Variants in GAB3 observed in about 807,000 individuals in gnomAD.
The protein encoded by GAB3 is GRB2 associated binding protein 3.
Under a neutral mutation model 40.4 loss-of-function variants are expected in GAB3, and 12 were observed. That is an observed-to-expected ratio of 0.30 (90% confidence interval 0.19 to 0.48). The LOEUF (loss-of-function observed/expected upper bound fraction) is 0.48, where lower values mean the gene tolerates loss of function less well. Among genes scored for constraint, GAB3 ranks in the 20% least tolerant of loss-of-function variants. GAB3 has a pLI of 0.99. For synonymous variants in GAB3, 154 were observed against 176.7 expected, an observed-to-expected ratio of 0.87 and a Z score of 1.02; for missense variants, 381 against 461.9, an observed-to-expected ratio of 0.82 and a Z score of 1.61.
At chrX:154,706,411 A>ATCTC (rs2070809294) in intron 4 of GAB3, among the ~76,000 whole-genome samples, 1 of 60,805 alleles carries the variant, frequency 1.6e-5, no homozygotes, top group African/African-American at 4.8e-5. Flanking sequence ...GCAAGACTCC[A>ATCTC]TCTCAAAAAA....
intron 4 of GAB3, among the ~76,000 whole-genome samples, chrX:154,701,415 A>C (rs900977262): frequency 1.8e-5 from 2 of 112,454 alleles, no homozygotes; most frequent in African/African-American, 6.5e-5. Context: ...GTGCCAGATA[A>C]TTTAAGAGAT....
chrX:154,705,623 A>C, intron 4 of GAB3, among the ~76,000 whole-genome samples: 1 of 112,069 alleles, frequency 8.9e-6, no homozygotes. Context: ...ACAAACCCAC[A>C]GACAACATCA....
In GAB3 at chrX:154,698,996, C is replaced by T. The variant is rs1192379272; in HGVS notation, c.1345+298G>A. The stretch of plus-strand genomic sequence containing the variant: ...CATTCTAATCCACCATCACTTATTC[C>T]TGGGCCTTTGTTAGGGAAACAGCCA... On this transcript the variant is annotated intron_variant, in intron 6 of 9. Coordinates refer to ENST00000424127, the MANE Select transcript of GAB3 (RefSeq NM_001081573.3). Among the ~76,000 whole-genome samples the T allele has an allele frequency of 5.4e-5, 6 of 111,569 alleles. No homozygotes were observed. In the East Asian group the frequency reaches 1.4e-3, roughly 26 times the overall value.
At chrX:154,705,803 C>G (rs1371484827) in intron 4 of GAB3, among the ~76,000 whole-genome samples, 1 of 111,923 alleles carries the variant, frequency 8.9e-6, no homozygotes, top group Non-Finnish European at 1.9e-5. Context: ...CAAATTCTCT[C>G]TATTTGCACA....
chrX:154,706,939 TAGAA>T (rs1185707467), intron 4 of GAB3, among the ~76,000 whole-genome samples: 2 of 101,195 alleles, frequency 2.0e-5, no homozygotes, highest in Admixed American at 1.1e-4. Context: ...AAAAAAAAAT[TAGAA>T]AGAACAAAGC....
intron 1 of GAB3, among the ~76,000 whole-genome samples, chrX:154,733,137 A>G (rs1163332790): frequency 8.9e-6 from 1 of 112,529 alleles, no homozygotes. Context: ...TCCTCCCAAG[A>G]ATACATGTGC....
At chrX:154,709,607 G>A (rs782217711) in intron 4 of GAB3, among the ~76,000 whole-genome samples, 46 of 109,225 alleles carry the variant, frequency 4.2e-4, no homozygotes, top group South Asian at 4.0e-3. Flanking sequence ...CTGAGCCACC[G>A]CACCCAGCCT....
intron 4 of GAB3, among the ~76,000 whole-genome samples, chrX:154,708,169 A>G (rs1376982925): frequency 2.7e-5 from 3 of 112,003 alleles, no homozygotes; most frequent in African/African-American, 9.7e-5. Flanking sequence ...CTGGATATCC[A>G]CACGCAAAAG....
At chrX:154,680,084 G>A in intron 9 of GAB3, 48 bp downstream of exon 9, 2 of 862,384 alleles carry the variant, frequency 2.3e-6, no homozygotes, top group Non-Finnish European at 3.4e-6. Context: ...AAAAGTCTAG[G>A]CAGAGATGGA....
intron 8 of GAB3, among the ~76,000 whole-genome samples, chrX:154,690,062 A>G (rs1471604380): frequency 9.1e-6 from 1 of 110,328 alleles, no homozygotes; most frequent in African/African-American, 3.3e-5. Flanking sequence ...CTGGTACCAA[A>G]ACAGAGATAT....
At chrX:154,712,147 T>A in intron 4 of GAB3, 82 bp downstream of exon 4, 1 of 724,180 alleles carries the variant, frequency 1.4e-6, no homozygotes, top group Non-Finnish European at 2.0e-6. Flanking sequence ...TTTTGGTCCA[T>A]TGGCATGACC....
chrX:154,681,864 T>C (rs2070378399), intron 8 of GAB3, among the ~76,000 whole-genome samples: 4 of 112,107 alleles, frequency 3.6e-5, no homozygotes, highest in South Asian at 7.4e-4. Flanking sequence ...TCAACATGGA[T>C]AACCTGGTTT....
intron 8 of GAB3, among the ~76,000 whole-genome samples, chrX:154,693,675 C>T (rs1306601320): frequency 9.0e-6 from 1 of 111,375 alleles, no homozygotes; most frequent in Non-Finnish European, 1.9e-5. Flanking sequence ...ACGCAAATCT[C>T]TATATATGTT....
chrX:154,743,067 A>G (rs2071469438), intron 1 of GAB3, among the ~76,000 whole-genome samples: 1 of 108,027 alleles, frequency 9.3e-6, no homozygotes, highest in Non-Finnish European at 1.9e-5. Flanking sequence ...AACCACTGAA[A>G]TCTGTGGAAT....
chrX:154,712,832 C>T, intron 3 of GAB3, 131 bp from the exon 4 acceptor site: 1 of 411,768 alleles, frequency 2.4e-6, no homozygotes, highest in Non-Finnish European at 4.1e-6. Context: ...CCCTCTACAA[C>T]ACTCAGTTAC....
chrX:154,701,867 A>G (rs782041290), intron 4 of GAB3, among the ~76,000 whole-genome samples: 2 of 112,051 alleles, frequency 1.8e-5, no homozygotes, highest in Middle Eastern at 4.6e-3. Flanking sequence ...TGAAGAGTAC[A>G]CCAAAAAATA....
chrX:154,739,227 G>T (rs1557260919), intron 1 of GAB3, among the ~76,000 whole-genome samples: 1 of 111,823 alleles, frequency 8.9e-6, no homozygotes, highest in Admixed American at 9.5e-5. Context: ...CTCATTAACA[G>T]AAGCTGCTTT....
chrX:154,687,435 T>G (rs2070472260), intron 8 of GAB3, among the ~76,000 whole-genome samples: 1 of 109,294 alleles, frequency 9.1e-6, no homozygotes, highest in South Asian at 4.0e-4. Context: ...ATCAAGACCA[T>G]CCTGGCTAAC....
intron 1 of GAB3, among the ~76,000 whole-genome samples, chrX:154,732,281 A>AT (rs1425067705): frequency 3.6e-5 from 4 of 111,198 alleles, no homozygotes; most frequent in Non-Finnish European, 5.7e-5. Context: ...AGGTCCTCCT[A>AT]TTTTTTTTCC....
Sources: allele counts gnomAD v4.1 joint callset (sites outside exome capture counted in the v4.1 genomes callset), GRCh38; gene constraint gnomAD v4.1.1; transcripts MANE v1.5; gene names NCBI Gene and HGNC (gene_info 2026-07-23, HGNC 2026-07-21).